Variants in TMEM64 observed in about 807,000 individuals in gnomAD.
TMEM64 encodes the protein transmembrane protein 64.
A neutral mutation model predicts 24.5 loss-of-function variants in TMEM64; 19 were observed. The observed-to-expected ratio is 0.78, with a 90% CI of 0.54 to 1.14. The LOEUF (loss-of-function observed/expected upper bound fraction) is 1.14. Among genes scored for constraint, TMEM64 ranks in the 50% most tolerant of loss-of-function variants. The pLI, the probability that TMEM64 is intolerant of heterozygous loss-of-function variation, is 0.00. For missense variants in TMEM64, 487 were observed against 493.0 expected (o/e 0.99, Z 0.12); for synonymous variants, 262 against 224.7 (o/e 1.17, Z -1.49).
Position 90,623,823 on chromosome 8 carries a change from A to G in TMEM64, c.*1848T>C, listed in dbSNP as rs772904999. Reference sequence around the variant, plus strand: ...TCACAAAAACTAACCAACAAACAAGAAGCACAAGAAAAAGGTTGTCAGGTT... The same window carrying G: ...TCACAAAAACTAACCAACAAACAAGGAGCACAAGAAAAAGGTTGTCAGGTT... On this transcript the variant is annotated 3_prime_UTR_variant, in exon 3 of 3. Coordinates refer to ENST00000458549, the MANE Select transcript of TMEM64 (RefSeq NM_001008495.4). The G allele has an allele frequency of 1.3e-5, 2 of 152,232 alleles. No homozygotes were observed. Among genetic ancestry groups the G allele is most frequent in the Non-Finnish European group, 1.5e-5 (1 of 67,938 alleles). 9.4% of individuals were successfully genotyped at this position (152,232 alleles called of 1,614,324 possible).
In TMEM64 at chr8:90,631,637, T is replaced by C. The variant is rs1442046432; in HGVS notation, c.866A>G (p.Asn289Ser). 2 of 1,613,792 alleles carry C rather than the reference T, an allele frequency of 1.2e-6. No homozygotes were observed. The highest frequency in any genetic ancestry group is 1.7e-6 in the Non-Finnish European group (2 of 1,179,748). Residue 289 changes from asparagine (N) to serine (S), a missense_variant, in exon 2 of 3, where the codon AAT (asparagine) becomes AGT (serine). Around this residue, in one of 3 missense-constraint regions of TMEM64, gnomAD observed 419 missense variants for 407.5 expected, o/e 1.03. Transcript: ENST00000458549. ...CCGCAGGGTGGTACCCAAGTAAGAA[T>C]TCAGAAGCTGGGTAGGAAGCAGTCC... ...SVGLLPTQLL[N>S]SYLGTTLRTM... is the part of the protein sequence containing the mutation.
In TMEM64 at chr8:90,625,790, C is replaced by G; in HGVS notation, c.1024G>C (p.Ala342Pro). ...GAAGATTTCAGTTCCATTTCACAAG[C>G]TACAATAGCTGCATTCAATTCCACT... ...AQVELNAAIV[A>P]CEMELKSSLV... The change falls in exon 3 of 3, where the codon GCT (alanine) becomes CCT (proline). Residue 342 changes from alanine to proline, a missense_variant. Ala to Pro is a conservative substitution (Grantham distance 27). Coordinates refer to ENST00000458549, the MANE Select transcript of TMEM64 (RefSeq NM_001008495.4). 1 of 1,613,934 alleles carries G rather than the reference C, an allele frequency of 6.2e-7. No homozygotes were observed. Among genetic ancestry groups the G allele is most frequent in the Non-Finnish European group, 8.5e-7 (1 of 1,179,924 alleles).
chr8:90,622,913 A>T lies in TMEM64; in HGVS notation c.*2758T>A, dbSNP rs1374938021. On this transcript the variant is annotated 3_prime_UTR_variant, in exon 3 of 3. Transcript: ENST00000458549. ...GAGATTTGGTAATATTATTTTCACA[A>T]ACCAAACAGTACAAATTTCAAGTTA... 1.3e-5 allele frequency: 2 copies of T among 152,196 alleles called. No individual in the cohort carries two copies. The highest frequency in any genetic ancestry group is 4.8e-5 in the African/African-American group (2 of 41,464). The allele number at this position is 152,196 out of a possible 1,614,324, so 9.4% of individuals were successfully genotyped here.
At chr8:90,640,528 A>G (rs1007646474) in intron 1 of TMEM64, among the ~76,000 whole-genome samples, 1 of 152,216 alleles carries the variant, frequency 6.6e-6, no homozygotes, top group African/African-American at 2.4e-5. Flanking sequence ...ACTGAAGGCC[A>G]GAATCATTAA....
rs1369850542 is a variant in TMEM64, at chr8:90,645,346, T to C, written c.560A>G (p.Tyr187Cys). ...CATGCCCAGCACGAAGCCGTACAGGTAGCCAGCGGCCACGTTGAGCACGAT... is the reference window on the plus strand; with the variant it reads ...CATGCCCAGCACGAAGCCGTACAGGCAGCCAGCGGCCACGTTGAGCACGAT... ...GYIVLNVAAG[Y>C]LYGFVLGMGL... The change falls in exon 1 of 3, where the codon TAC becomes TGC. Residue 187 changes from tyrosine (Y) to cysteine (C), a missense_variant. Transcript: ENST00000458549. The surrounding 1 kb of genome is among the most constrained non-coding windows in gnomAD (Gnocchi z 4.2). 7.7e-6 allele frequency: 12 copies of C among 1,554,812 alleles called. No homozygotes were observed. The South Asian group carries it at 1.4e-4, about 18-fold the overall frequency.
intron 2 of TMEM64, among the ~76,000 whole-genome samples, chr8:90,630,056 G>GT (rs1377025423): frequency 6.6e-6 from 1 of 152,150 alleles, no homozygotes; most frequent in Admixed American, 6.5e-5. Context: ...TAAAAGACCA[G>GT]TAAGTCTGGA....
intron 1 of TMEM64, among the ~76,000 whole-genome samples, chr8:90,644,430 GA>G (rs1379333680): frequency 6.6e-6 from 1 of 152,174 alleles, no homozygotes; most frequent in Non-Finnish European, 1.5e-5. Context: ...TACAAGGACA[GA>G]AAAGAGTCTA....
chr8:90,635,864 G>A (rs1220395494), intron 1 of TMEM64, among the ~76,000 whole-genome samples: 4 of 152,034 alleles, frequency 2.6e-5, no homozygotes, highest in East Asian at 3.8e-4. Flanking sequence ...CAACACTTCT[G>A]GCCACAACCT....
chr8:90,645,097 G>A lies in TMEM64; in HGVS notation c.795+14C>T. ...CAGACTTGGAGAGGGATAGGCCAGC[G>A]GGACCCCACTTACCGAAAACACTGC... is the stretch of plus-strand genomic sequence containing the variant. On this transcript the variant is annotated intron_variant, in intron 1 of 2. Coordinates refer to ENST00000458549, the MANE Select transcript of TMEM64 (RefSeq NM_001008495.4). The surrounding 1 kb of genome is among the most constrained non-coding windows in gnomAD (Gnocchi z 4.2). 1 of 1,591,474 alleles carries A rather than the reference G, an allele frequency of 6.3e-7. No individual in the cohort carries two copies. Among genetic ancestry groups the A allele is most frequent in the Non-Finnish European group, 8.6e-7 (1 of 1,164,946 alleles).
At chr8:90,641,110 C>T (rs113690029) in intron 1 of TMEM64, among the ~76,000 whole-genome samples, 40 of 152,246 alleles carry the variant, frequency 2.6e-4, no homozygotes, top group African/African-American at 9.4e-4. Context: ...TGCAGGGGCT[C>T]AGCCTTGGTA....
rs1203217817 is a variant in TMEM64, at chr8:90,645,995, G to T, written c.-90C>A. ...CCCTTCATGGCGCCCGGTTCGCCCG[G>T]CATCGACTCCCTGCGTCCGCTCAGA... On this transcript the variant is annotated 5_prime_UTR_variant, in exon 1 of 3. Transcript: ENST00000458549. This position sits in a 1 kb window ranked among gnomAD's most constrained non-coding sequence, Gnocchi z 4.2. The T allele has an allele frequency of 4.6e-6, 3 of 654,608 alleles. No homozygotes were observed. Among genetic ancestry groups the T allele is most frequent in the Middle Eastern group, 7.0e-4 (1 of 1,428 alleles). The allele number at this position is 654,608 out of a possible 1,614,324, so 40.5% of individuals were successfully genotyped here. A position where few individuals can be genotyped will look rare whatever the true frequency, so the allele number is the denominator to read the frequency against.
intron 2 of TMEM64, among the ~76,000 whole-genome samples, chr8:90,628,363 A>AATAAAGAT (rs1402219083): frequency 6.6e-6 from 1 of 152,128 alleles, no homozygotes; most frequent in Non-Finnish European, 1.5e-5. Flanking sequence ...TAAGCAAGAG[A>AATAAAGAT]GGTAATCTGC....
intron 1 of TMEM64, among the ~76,000 whole-genome samples, chr8:90,636,476 G>A (rs756315019): frequency 2.0e-5 from 3 of 152,134 alleles, no homozygotes; most frequent in Non-Finnish European, 2.9e-5. Flanking sequence ...GGCTGGTCTC[G>A]AACTCCTGAC....
chr8:90,645,483 G>A lies in TMEM64; in HGVS notation c.423C>T (p.Arg141=), dbSNP rs1360597619. 2 of 1,551,252 alleles carry A rather than the reference G, an allele frequency of 1.3e-6. No homozygotes were observed. Among genetic ancestry groups the A allele is most frequent in the Admixed American group, 2.0e-5 (1 of 51,010 alleles). The part of the protein sequence containing the change: ...ALCFASLALV[R]RYLHHLLLWV... ...ACAGCAGGAGGTGGTGAAGGTAGCG[G>A]CGGACCAGGGCCAGGGAAGCGAAGC... The change falls in exon 1 of 3, where the codon CGC becomes CGT. Residue 141 remains arginine, a synonymous_variant. Coordinates refer to ENST00000458549, the MANE Select transcript of TMEM64 (RefSeq NM_001008495.4). The surrounding 1 kb of genome is among the most constrained non-coding windows in gnomAD (Gnocchi z 4.2).
At chr8:90,628,146 G>A (rs891791316) in intron 2 of TMEM64, among the ~76,000 whole-genome samples, 102 of 152,176 alleles carry the variant, frequency 6.7e-4, no homozygotes, top group Non-Finnish European at 1.4e-3. Flanking sequence ...GAAATAGATA[G>A]TACAGACAAT....
rs1008053209 is a variant in TMEM64 at position 90,645,568 on chromosome 8, C to A, written c.338G>T (p.Cys113Phe). 1.9e-6 allele frequency: 3 copies of A among 1,544,614 alleles called. No individual in the cohort carries two copies. Among genetic ancestry groups the A allele is most frequent in the Non-Finnish European group, 2.6e-6 (3 of 1,146,586 alleles). The change falls in exon 1 of 3, where the codon TGC becomes TTC. Residue 113 changes from cysteine to phenylalanine, a missense_variant. This residue lies in a region of TMEM64 where 419 missense variants were observed against 407.5 expected (regional missense o/e 1.03). Transcript: ENST00000458549. This position sits in a 1 kb window ranked among gnomAD's most constrained non-coding sequence, Gnocchi z 4.2. ...VAEVRNWRCC[C>F]LGSTCWCRSL... ...CCGGCACCAACAGGTGCTGCCGAGG[C>A]AGCAGCAGCGCCAGTTTCTCACCTC...
At chr8:90,634,916 T>G (rs1016314739) in intron 1 of TMEM64, among the ~76,000 whole-genome samples, 1 of 152,214 alleles carries the variant, frequency 6.6e-6, no homozygotes, top group Non-Finnish European at 1.5e-5. Context: ...TTTCACATTT[T>G]CAGTAAAACT....
intron 1 of TMEM64, among the ~76,000 whole-genome samples, chr8:90,639,589 T>C (rs1376534770): frequency 5.3e-5 from 8 of 152,124 alleles, no homozygotes; most frequent in Admixed American, 3.3e-4. Flanking sequence ...GATACAAAGA[T>C]GGAAAACTAC....
chr8:90,634,635 ATCT>A (rs1809487959), intron 1 of TMEM64, among the ~76,000 whole-genome samples: 1 of 152,182 alleles, frequency 6.6e-6, no homozygotes, highest in African/African-American at 2.4e-5. Flanking sequence ...ATTACTCAAA[ATCT>A]TCTTTTATAC....
Sources: allele counts gnomAD v4.1 joint callset (sites outside exome capture counted in the v4.1 genomes callset), GRCh38; gene constraint gnomAD v4.1.1; regional missense constraint gnomAD v4.1.1; non-coding constraint Gnocchi (gnomAD v3.1); transcripts MANE v1.5; gene names NCBI Gene and HGNC (gene_info 2026-07-23, HGNC 2026-07-21).